The following GALNT7 variants were observed in gnomAD, a reference collection of about 807,000 sequenced individuals.
The protein encoded by GALNT7 is N-acetylgalactosaminyltransferase 7.
GALNT7 carries 60 observed loss-of-function variants against 82.1 expected under a neutral mutation model. The observed-to-expected ratio is 0.73, with a 90% CI of 0.59 to 0.91. The LOEUF (loss-of-function observed/expected upper bound fraction) is 0.91, where lower values mean the gene tolerates loss of function less well. GALNT7 is among the 40% of genes least tolerant of loss of function. The pLI is 0.00. For synonymous variants in GALNT7, 243 were observed against 275.1 expected, an observed-to-expected ratio of 0.88 and a Z score of 1.15; for missense variants, 660 against 804.2, an observed-to-expected ratio of 0.82 and a Z score of 2.17.
chr4:173,314,951 A>G (rs1435399738), intron 9 of GALNT7, among the ~76,000 whole-genome samples: 2 of 152,228 alleles, frequency 1.3e-5, no homozygotes, highest in Non-Finnish European at 2.9e-5. Flanking sequence ...CCAGAGAAGC[A>G]AAGTCGTTTT....
At chr4:173,317,781 C>A in intron 10 of GALNT7, 49 bp downstream of exon 10, 1 of 1,109,866 alleles carries the variant, frequency 9.0e-7, no homozygotes, top group Non-Finnish European at 1.4e-6. Context: ...TGAGGGCCAT[C>A]AGGTTTATTG....
intron 2 of GALNT7, among the ~76,000 whole-genome samples, chr4:173,278,499 C>G (rs1201756350): frequency 1.3e-5 from 2 of 152,100 alleles, no homozygotes; most frequent in Non-Finnish European, 2.9e-5. Context: ...TGGTTATACA[C>G]AACAAATGAC....
intron 1 of GALNT7, among the ~76,000 whole-genome samples, chr4:173,211,255 C>T (rs1009185036): frequency 2.6e-5 from 4 of 152,142 alleles, no homozygotes; most frequent in African/African-American, 9.7e-5. Flanking sequence ...TCTAAATATG[C>T]ATTCCTGCCT....
At chr4:173,192,714 A>G (rs1430269460) in intron 1 of GALNT7, among the ~76,000 whole-genome samples, 2 of 152,222 alleles carry the variant, frequency 1.3e-5, no homozygotes, top group Non-Finnish European at 2.9e-5. Flanking sequence ...TCAGTGGTTA[A>G]TATTATCCTC....
chr4:173,220,256 C>T (rs1026848597), intron 1 of GALNT7, among the ~76,000 whole-genome samples: 19 of 152,064 alleles, frequency 1.2e-4, no homozygotes, highest in Admixed American at 2.0e-4. Flanking sequence ...GTGTCCTTTC[C>T]CCACTTTATG....
At chr4:173,216,885 C>A (rs1276193185) in intron 1 of GALNT7, among the ~76,000 whole-genome samples, 1 of 150,634 alleles carries the variant, frequency 6.6e-6, no homozygotes, top group Non-Finnish European at 1.5e-5. Flanking sequence ...TACCTGCCAC[C>A]ACGCCTGGCT....
At position 173,322,631 on chromosome 4, in the gene GALNT7, ATTGTT is replaced by A. The variant is rs907843257; in HGVS notation, c.*915_*919del. The A allele has an allele frequency of 1.3e-5, 2 of 152,182 alleles. No homozygotes were observed. Among genetic ancestry groups the A allele is most frequent in the African/African-American group, 4.8e-5 (2 of 41,440 alleles). The allele number at this position is 152,182 out of a possible 1,614,324, so 9.4% of individuals were successfully genotyped here. On this transcript the variant is annotated 3_prime_UTR_variant, in exon 12 of 12. Transcript: ENST00000265000. The stretch of plus-strand genomic sequence containing the variant: ...ATACAGAAAACTATTATCAGTTGTT[ATTGTT>A]ATCCCTTGAAAGCGAGGGTGACAAA...
chr4:173,192,848 A>G (rs937085079), intron 1 of GALNT7, among the ~76,000 whole-genome samples: 15 of 152,200 alleles, frequency 9.9e-5, no homozygotes, highest in Non-Finnish European at 1.3e-4. Context: ...TGTTCCATGG[A>G]CATAGCTGAT....
intron 2 of GALNT7, among the ~76,000 whole-genome samples, chr4:173,269,652 ATCTATTTAATATCCTGGTAACTAGCTTT>A (rs1416562739): frequency 6.6e-6 from 1 of 152,162 alleles, no homozygotes; most frequent in Non-Finnish European, 1.5e-5. Context: ...GCTGTATTGA[ATCTATTTAATATCCTGGTAACTAGCTTT>A]GACTTTTTTC....
At chr4:173,209,327 C>T (rs1313861011) in intron 1 of GALNT7, among the ~76,000 whole-genome samples, 2 of 152,222 alleles carry the variant, frequency 1.3e-5, no homozygotes, top group Non-Finnish European at 2.9e-5. Context: ...GGTCAGCCCA[C>T]GTCTTAGCTC....
rs1486034757 is a variant in GALNT7, at chr4:173,314,034, C to T, written c.1466C>T (p.Ala489Val). The T allele has an allele frequency of 2.5e-6, 4 of 1,609,550 alleles. No homozygotes were observed. The highest frequency in any genetic ancestry group is 3.4e-6 in the Non-Finnish European group (4 of 1,176,208). The change falls in exon 9 of 12, where the codon GCA becomes GTA. Residue 489 changes from alanine (A) to valine (V), a missense_variant. Coordinates refer to ENST00000265000, the MANE Select transcript of GALNT7 (RefSeq NM_017423.3). ...TATGCTAGTCGTCCTGAATCGCAGGCATTACCATATGGGGATATATCGGAG... is the reference window on the plus strand; with the variant it reads ...TATGCTAGTCGTCCTGAATCGCAGGTATTACCATATGGGGATATATCGGAG... ...YFYASRPESQ[A>V]LPYGDISELK...
At chr4:173,318,379 C>T (rs895963688) in intron 10 of GALNT7, 52 bp from the exon 11 acceptor site, 25 of 1,462,134 alleles carry the variant, frequency 1.7e-5, no homozygotes, top group Admixed American at 6.8e-5. Flanking sequence ...TTCAAATGCA[C>T]ATCAGCAGGG....
chr4:173,178,052 TGC>T (rs60869480), intron 1 of GALNT7, among the ~76,000 whole-genome samples: 41 of 129,516 alleles, frequency 3.2e-4, no homozygotes, highest in African/African-American at 9.2e-4. Flanking sequence ...TGTGTGTGTG[TGC>T]GCGCACGCGC....
rs1381672150 is a variant in GALNT7 at position 173,295,427 on chromosome 4, T to G, written c.786T>G (p.Ile262Met). 1 of 1,598,196 alleles carries G rather than the reference T, an allele frequency of 6.3e-7. No homozygotes were observed. Among genetic ancestry groups the G allele is most frequent in the African/African-American group, 1.3e-5 (1 of 74,678 alleles). The change falls in exon 4 of 12, where the codon ATT becomes ATG. Residue 262 changes from isoleucine (I) to methionine (M), a missense_variant. Physicochemically the swap from Ile to Met is conservative, Grantham distance 10. This residue lies in a region of GALNT7 where 527 missense variants were observed against 683.5 expected (regional missense o/e 0.77). Coordinates refer to ENST00000265000, the MANE Select transcript of GALNT7 (RefSeq NM_017423.3). ...TAAAAGAAAAACTGGATGAATATAT[T>G]AAGCTGTGGAATGGCCTAGTGAAGG... ...EHLKEKLDEYIKLWNGLVKVF... is the reference protein window; with the variant it reads ...EHLKEKLDEYMKLWNGLVKVF...
At chr4:173,263,893 A>G (rs2126771746) in intron 2 of GALNT7, among the ~76,000 whole-genome samples, 1 of 152,328 alleles carries the variant, frequency 6.6e-6, no homozygotes, top group Admixed American at 6.5e-5. Context: ...TGGTATTTAC[A>G]TGATGAATAC....
chr4:173,262,403 T>C (rs1483338027), intron 2 of GALNT7, among the ~76,000 whole-genome samples: 1 of 152,232 alleles, frequency 6.6e-6, no homozygotes, highest in African/African-American at 2.4e-5. Context: ...GTTTCCCAAG[T>C]AATGCAGATC....
At chr4:173,243,537 A>G (rs796689659) in intron 1 of GALNT7, among the ~76,000 whole-genome samples, 1 of 152,218 alleles carries the variant, frequency 6.6e-6, no homozygotes, top group Non-Finnish European at 1.5e-5. Context: ...ATTCACTCTC[A>G]GAAAGGAGGA....
intron 1 of GALNT7, among the ~76,000 whole-genome samples, chr4:173,212,499 C>T (rs1733312554): frequency 6.6e-6 from 1 of 152,130 alleles, no homozygotes; most frequent in African/African-American, 2.4e-5. Context: ...TTTAGATTAT[C>T]TAGACTAACT....
At chr4:173,321,192 A>G (rs952808680) in intron 11 of GALNT7, among the ~76,000 whole-genome samples, 2 of 152,158 alleles carry the variant, frequency 1.3e-5, no homozygotes, top group Non-Finnish European at 2.9e-5. Flanking sequence ...GACATTGCAC[A>G]TATCCATCCT....
Sources: allele counts gnomAD v4.1 joint callset (sites outside exome capture counted in the v4.1 genomes callset), GRCh38; gene constraint gnomAD v4.1.1; regional missense constraint gnomAD v4.1.1; transcripts MANE v1.5; gene names NCBI Gene and HGNC (gene_info 2026-07-23, HGNC 2026-07-21).